The following TPST2 variants were observed in gnomAD, a reference collection of about 807,000 sequenced individuals.
TPST2 encodes the protein tyrosylprotein sulfotransferase 2.
TPST2 carries 16 observed loss-of-function variants against 27.8 expected under a neutral mutation model. That is an observed-to-expected ratio of 0.58 (90% CI 0.39 to 0.88). The LOEUF (loss-of-function observed/expected upper bound fraction) is 0.88, where lower values mean the gene tolerates loss of function less well. TPST2 is among the 40% of genes least tolerant of loss of function. TPST2 has a pLI of 0.00. For synonymous variants in TPST2, 229 were observed against 231.7 expected, an observed-to-expected ratio of 0.99 and a Z score of 0.10; for missense variants, 464 against 543.1, an observed-to-expected ratio of 0.85 and a Z score of 1.45.
intron 1 of TPST2, among the ~76,000 whole-genome samples, chr22:26,585,291 T>C (rs148109935): frequency 9.1e-4 from 138 of 152,222 alleles, no homozygotes; most frequent in African/African-American, 3.1e-3. Flanking sequence ...TCTGAGCACA[T>C]AGGATAAGAA....
chr22:26,534,074 A>G (rs1167705385), intron 4 of TPST2, among the ~76,000 whole-genome samples: 2 of 152,142 alleles, frequency 1.3e-5, no homozygotes, highest in Admixed American at 6.5e-5. Flanking sequence ...TCTAGTGTGT[A>G]TTTTACACCT....
chr22:26,529,376 T>C (rs1476080103), intron 5 of TPST2, among the ~76,000 whole-genome samples: 1 of 152,160 alleles, frequency 6.6e-6, no homozygotes, highest in African/African-American at 2.4e-5. Flanking sequence ...GTGATCTGCC[T>C]GCCTCAGCCT....
At chr22:26,570,904 C>T (rs1927601072) in intron 1 of TPST2, among the ~76,000 whole-genome samples, 2 of 152,208 alleles carry the variant, frequency 1.3e-5, no homozygotes, top group African/African-American at 2.4e-5. Flanking sequence ...CGCCATTTCT[C>T]ACCACCCGCA....
chr22:26,579,375 C>T (rs1037984655), intron 1 of TPST2, among the ~76,000 whole-genome samples: 13 of 152,206 alleles, frequency 8.5e-5, no homozygotes, highest in Admixed American at 3.3e-4. Flanking sequence ...CAGCATCTGC[C>T]GTCCTGCTGC....
At chr22:26,538,633 C>T (rs1925618853) in intron 3 of TPST2, among the ~76,000 whole-genome samples, 1 of 152,110 alleles carries the variant, frequency 6.6e-6, no homozygotes, top group Admixed American at 6.6e-5. Flanking sequence ...ACCAGCCTGG[C>T]CAACATGGCA....
chr22:26,570,550 T>G (rs1812441373), intron 1 of TPST2, among the ~76,000 whole-genome samples: 2 of 152,138 alleles, frequency 1.3e-5, no homozygotes. Context: ...TTGGCTACTG[T>G]GGCCCTCTCT....
At chr22:26,559,213 C>T (rs1271668750) in intron 1 of TPST2, among the ~76,000 whole-genome samples, 2 of 152,128 alleles carry the variant, frequency 1.3e-5, no homozygotes, top group African/African-American at 4.8e-5. Flanking sequence ...TAAAAATACA[C>T]AAATTAGCAG....
At chr22:26,533,242 C>T (rs573530242) in intron 4 of TPST2, among the ~76,000 whole-genome samples, 1 of 152,152 alleles carries the variant, frequency 6.6e-6, no homozygotes, top group East Asian at 1.9e-4. Flanking sequence ...CACTGAAACC[C>T]CATTTCTAAA....
intron 1 of TPST2, chr22:26,555,336 C>T (rs1048012083): frequency 4.0e-6 from 2 of 504,610 alleles, no homozygotes; most frequent in Non-Finnish European, 7.9e-6. Flanking sequence ...CTGGGCCAGG[C>T]TCAGGAATGC....
chr22:26,524,020 C>G lies in TPST2; in HGVS notation c.*2255G>C, dbSNP rs1238984213. ...GGGTGTGTGGTGATGGGATACATAG[C>G]TGTCGCCAGATTCTCAAAGGGACAG... On this transcript the variant is annotated 3_prime_UTR_variant, in exon 7 of 7. Transcript: ENST00000338754. 5 of 152,140 alleles carry G rather than the reference C, an allele frequency of 3.3e-5. No homozygotes were observed. The highest frequency in any genetic ancestry group is 5.9e-5 in the Non-Finnish European group (4 of 68,034). 9.4% of individuals were successfully genotyped at this position (152,140 alleles called of 1,614,324 possible).
At chr22:26,560,603 G>A (rs886156674) in intron 1 of TPST2, 86 of 1,179,924 alleles carry the variant, frequency 7.3e-5, no homozygotes, top group Non-Finnish European at 7.7e-5. Context: ...GTCGGGAGGC[G>A]CATAAGAAGA....
In TPST2 at chr22:26,536,210, A is replaced by C. The variant is rs779121647; in HGVS notation, c.1041+78T>G. The C allele has an allele frequency of 1.2e-5, 18 of 1,497,562 alleles. No homozygotes were observed. The South Asian group carries it at 2.0e-4, about 17-fold the overall frequency. 92.8% of individuals were successfully genotyped at this position (1,497,562 alleles called of 1,614,324 possible). ...GAATTGAGAGACTGAACATTTCCTC[A>C]GGTGGCTGGAGTTTCCACATCTGCA... On this transcript the variant is annotated intron_variant, in intron 4 of 6. Transcript: ENST00000338754.
chr22:26,569,794 T>C (rs911383922), intron 1 of TPST2, among the ~76,000 whole-genome samples: 2 of 150,882 alleles, frequency 1.3e-5, no homozygotes, highest in Non-Finnish European at 3.0e-5. Context: ...TACTAAAAAA[T>C]ACAAAAATTA....
chr22:26,536,093 C>A (rs1440336422), intron 4 of TPST2, 195 bp downstream of exon 4: 1 of 796,732 alleles, frequency 1.3e-6, no homozygotes, highest in East Asian at 2.7e-5. Context: ...TACCAGTTGG[C>A]TTTGAGCTTC....
At chr22:26,570,775 G>C (rs1927597087) in intron 1 of TPST2, among the ~76,000 whole-genome samples, 1 of 135,304 alleles carries the variant, frequency 7.4e-6, no homozygotes, top group Non-Finnish European at 1.6e-5. Flanking sequence ...GCTGGTAGCA[G>C]CTCCATCCTT....
intron 1 of TPST2, among the ~76,000 whole-genome samples, chr22:26,549,287 G>A (rs1238687692): frequency 6.6e-6 from 1 of 152,182 alleles, no homozygotes; most frequent in South Asian, 2.1e-4. Flanking sequence ...CAAACAACAA[G>A]TAAGAGGAAA....
rs377415847 is a variant in TPST2, at chr22:26,560,724, G to C, written c.-160-16049C>G. 2.2e-5 allele frequency: 24 copies of C among 1,094,838 alleles called. No homozygotes were observed. In the East Asian group the frequency reaches 3.3e-4, roughly 15 times the overall value. 67.8% of individuals were successfully genotyped at this position (1,094,838 alleles called of 1,614,324 possible). On this transcript the variant is annotated intron_variant, in intron 1 of 6. Transcript: ENST00000338754. ...AAAATTTGAAGATATGGCAAAGGCG[G>C]ACAAGGCCCATTACGAAAGAGAAAT...
At chr22:26,528,835 A>T (rs1204465550) in intron 5 of TPST2, among the ~76,000 whole-genome samples, 1 of 152,082 alleles carries the variant, frequency 6.6e-6, no homozygotes, top group Non-Finnish European at 1.5e-5. Flanking sequence ...TACAAAAATT[A>T]GCCGGGTGTG....
intron 1 of TPST2, among the ~76,000 whole-genome samples, chr22:26,545,431 G>A (rs148911131): frequency 8.1e-4 from 123 of 152,344 alleles, no homozygotes; most frequent in Middle Eastern, 3.4e-3. Flanking sequence ...GCCAGAACCA[G>A]GCCAAAGTGG....
Sources: allele counts gnomAD v4.1 joint callset (sites outside exome capture counted in the v4.1 genomes callset), GRCh38; gene constraint gnomAD v4.1.1; transcripts MANE v1.5; gene names NCBI Gene and HGNC (gene_info 2026-07-23, HGNC 2026-07-21).